IGF2BP2: variants seen among roughly 807,000 people sequenced by gnomAD.
IGF2BP2 encodes insulin-like growth factor 2 mRNA-binding protein 2.
In IGF2BP2, 17 loss-of-function variants were observed where a neutral mutation model predicts 75.8. The ratio of observed to expected loss-of-function variants is 0.22; its 90% confidence interval spans 0.15 to 0.34. The LOEUF (loss-of-function observed/expected upper bound fraction) is 0.34. IGF2BP2 is among the 10% of genes least tolerant of loss of function. The pLI is 1.00. For missense variants in IGF2BP2, 516 were observed against 772.4 expected (o/e 0.67, Z 3.93); for synonymous variants, 288 against 295.6 (o/e 0.97, Z 0.26).
At chr3:185,713,284 C>T (rs1239154641) in intron 2 of IGF2BP2, 2 of 387,334 alleles carry the variant, frequency 5.2e-6, no homozygotes, top group African/African-American at 2.1e-5. Flanking sequence ...TATAGGGATA[C>T]TCCACTTGTT....
chr3:185,824,934 G>A lies in IGF2BP2; in HGVS notation c.27C>T (p.Asn9=), dbSNP rs1741843488. The change falls in exon 1 of 16, where the codon AAC becomes AAT. Residue 9 remains asparagine, a synonymous_variant. Coordinates refer to ENST00000382199, the MANE Select transcript of IGF2BP2 (RefSeq NM_006548.6). MMNKLYIG[N]LSPAVTADDL... ...CGTCGGCGGTGACGGCGGGGCTCAG[G>A]TTCCCGATGTAAAGCTTGTTCATCA... 4.5e-6 allele frequency: 7 copies of A among 1,556,892 alleles called. No homozygotes were observed. In the Admixed American group the frequency reaches 1.3e-4, roughly 28 times the overall value.
intron 7 of IGF2BP2, among the ~76,000 whole-genome samples, chr3:185,678,332 G>C (rs758137284): frequency 6.6e-6 from 1 of 152,142 alleles, no homozygotes. Context: ...TGCCAACCAA[G>C]GACACCATGT....
rs763274918 is a variant in IGF2BP2, at chr3:185,689,658, C to G, written c.405-31G>C. On this transcript the variant is annotated intron_variant, in intron 5 of 15. Coordinates refer to ENST00000382199, the MANE Select transcript of IGF2BP2 (RefSeq NM_006548.6). Reference sequence around the variant, plus strand: ...ATGCAGCAGGACAGGGGAGCTTCGTCAGAAACCAACATCAAGAAAGACCCT... The same window carrying G: ...ATGCAGCAGGACAGGGGAGCTTCGTGAGAAACCAACATCAAGAAAGACCCT... 2.1e-5 allele frequency: 34 copies of G among 1,613,704 alleles called. No homozygotes were observed. In the South Asian group the frequency reaches 3.1e-4, roughly 15 times the overall value.
intron 2 of IGF2BP2, among the ~76,000 whole-genome samples, chr3:185,817,498 T>G (rs1740762271): frequency 6.6e-6 from 1 of 152,162 alleles, no homozygotes; most frequent in African/African-American, 2.4e-5. Flanking sequence ...TTCTTCACTA[T>G]TTTATGGAGA....
chr3:185,687,291 A>G, intron 6 of IGF2BP2, 100 bp from the exon 7 acceptor site: 1 of 1,269,114 alleles, frequency 7.9e-7, no homozygotes, highest in Non-Finnish European at 1.1e-6. Context: ...AAGGACACAG[A>G]CAGACAAGGA....
intron 2 of IGF2BP2, among the ~76,000 whole-genome samples, chr3:185,751,367 C>G (rs1406774630): frequency 6.6e-6 from 1 of 150,432 alleles, no homozygotes; most frequent in African/African-American, 2.5e-5. Context: ...CACCTGAGGT[C>G]GGGAGTTCGA....
rs1222130481 is a variant in IGF2BP2 at position 185,644,563 on chromosome 3, T to A, written c.*968A>T. ...TTTCGCTTTTGTTCCTTTTGTGTGATGTGATACTCAGAGCACTGCTTTGCC... is the reference window on the plus strand; with the variant it reads ...TTTCGCTTTTGTTCCTTTTGTGTGAAGTGATACTCAGAGCACTGCTTTGCC... On this transcript the variant is annotated 3_prime_UTR_variant, in exon 16 of 16. Coordinates refer to ENST00000382199, the MANE Select transcript of IGF2BP2 (RefSeq NM_006548.6). 1 of 124,744 alleles carries A rather than the reference T, an allele frequency of 8.0e-6. No individual in the cohort carries two copies. The highest frequency in any genetic ancestry group is 1.6e-5 in the Non-Finnish European group (1 of 62,118). The allele number at this position is 124,744 out of a possible 1,614,324, so 7.7% of individuals were successfully genotyped here.
intron 2 of IGF2BP2, among the ~76,000 whole-genome samples, chr3:185,758,259 T>C (rs1035129744): frequency 6.6e-6 from 1 of 152,204 alleles, no homozygotes; most frequent in Non-Finnish European, 1.5e-5. Context: ...TTAGGAGGTA[T>C]GCAAAATGCC....
At chr3:185,661,352 T>G (rs1415380770) in intron 10 of IGF2BP2, among the ~76,000 whole-genome samples, 1 of 152,144 alleles carries the variant, frequency 6.6e-6, no homozygotes, top group Non-Finnish European at 1.5e-5. Context: ...AAAAGGCATT[T>G]GAGGCTGGGC....
chr3:185,662,951 A>T (rs1051966952), intron 10 of IGF2BP2, among the ~76,000 whole-genome samples: 3 of 152,180 alleles, frequency 2.0e-5, no homozygotes, highest in African/African-American at 7.2e-5. Context: ...GAGTGCTGGG[A>T]TTACACGAGT....
chr3:185,821,566 C>T (rs905998060), intron 2 of IGF2BP2, among the ~76,000 whole-genome samples: 1 of 152,048 alleles, frequency 6.6e-6, no homozygotes, highest in African/African-American at 2.4e-5. Flanking sequence ...CAGTATTTCA[C>T]ATATACCACA....
At chr3:185,777,212 T>C (rs1437950107) in intron 2 of IGF2BP2, among the ~76,000 whole-genome samples, 4 of 152,320 alleles carry the variant, frequency 2.6e-5, no homozygotes, top group Admixed American at 6.5e-5. Flanking sequence ...AATTTTACCA[T>C]AGGCTAGTTA....
At chr3:185,755,140 C>T (rs979920271) in intron 2 of IGF2BP2, among the ~76,000 whole-genome samples, 2 of 152,156 alleles carry the variant, frequency 1.3e-5, no homozygotes, top group Non-Finnish European at 2.9e-5. Context: ...ACCACAGGCC[C>T]AGAGGCCTAA....
intron 2 of IGF2BP2, chr3:185,722,261 G>A (rs1304803940): frequency 2.2e-6 from 1 of 456,252 alleles, no homozygotes. Flanking sequence ...TTCCATAGGG[G>A]GTGAAACTGA....
At chr3:185,745,041 C>T (rs777506306) in intron 2 of IGF2BP2, among the ~76,000 whole-genome samples, 2 of 152,162 alleles carry the variant, frequency 1.3e-5, no homozygotes, top group Non-Finnish European at 2.9e-5. Context: ...TGGAGGCATG[C>T]CCTTGCTGCT....
chr3:185,766,784 A>G (rs1477950995), intron 2 of IGF2BP2, among the ~76,000 whole-genome samples: 1 of 152,230 alleles, frequency 6.6e-6, no homozygotes, highest in African/African-American at 2.4e-5. Flanking sequence ...ACTCCAAGTC[A>G]GTGAGTTATA....
At chr3:185,717,316 G>T (rs1385482010) in intron 2 of IGF2BP2, 2 of 165,932 alleles carry the variant, frequency 1.2e-5, no homozygotes, top group Admixed American at 5.6e-5. Flanking sequence ...CTCTTCCTAA[G>T]ATTCTCCTCA....
chr3:185,815,478 G>T (rs77159894), intron 2 of IGF2BP2, among the ~76,000 whole-genome samples: 1 of 152,184 alleles, frequency 6.6e-6, no homozygotes, highest in South Asian at 2.1e-4. Flanking sequence ...TCAGGAGCAA[G>T]GAGTTATTTT....
intron 2 of IGF2BP2, among the ~76,000 whole-genome samples, chr3:185,707,648 G>A (rs1724233901): frequency 6.6e-6 from 1 of 152,016 alleles, no homozygotes; most frequent in Non-Finnish European, 1.5e-5. Flanking sequence ...TATGTGAACT[G>A]AAGGAAGACT....
Sources: allele counts gnomAD v4.1 joint callset (sites outside exome capture counted in the v4.1 genomes callset), GRCh38; gene constraint gnomAD v4.1.1; transcripts MANE v1.5; gene names NCBI Gene and HGNC (gene_info 2026-07-23, HGNC 2026-07-21).